CYP7B1: variants seen among roughly 807,000 people sequenced by gnomAD.
CYP7B1 encodes the protein cytochrome P450 7B1.
Under a neutral mutation model 42.7 loss-of-function variants are expected in CYP7B1, and 29 were observed. The ratio of observed to expected loss-of-function variants is 0.68; its 90% confidence interval spans 0.51 to 0.93. CYP7B1 has a LOEUF of 0.93. Ranked by LOEUF, CYP7B1 falls within the 40% of genes least tolerant of loss-of-function variation. The pLI is 0.00. For missense variants in CYP7B1, 655 were observed against 600.5 expected (o/e 1.09, Z -0.95); for synonymous variants, 235 against 218.2 (o/e 1.08, Z -0.68).
intron 1 of CYP7B1, among the ~76,000 whole-genome samples, chr8:64,707,910 A>T (rs998111989): frequency 6.6e-6 from 1 of 152,136 alleles, no homozygotes; most frequent in African/African-American, 2.4e-5. Flanking sequence ...TATGATGGGC[A>T]GTACTGGGGA....
At chr8:64,670,520 T>C (rs537214869) in intron 1 of CYP7B1, among the ~76,000 whole-genome samples, 2 of 152,238 alleles carry the variant, frequency 1.3e-5, no homozygotes, top group Non-Finnish European at 2.9e-5. Context: ...CAAAATAGCT[T>C]AAATGAGTCA....
chr8:64,688,013 A>G (rs947690564), intron 1 of CYP7B1, among the ~76,000 whole-genome samples: 1 of 152,240 alleles, frequency 6.6e-6, no homozygotes, highest in Non-Finnish European at 1.5e-5. Context: ...CTCTTATTCT[A>G]TAGCATAATA....
At chr8:64,740,715 T>A (rs1478294416) in intron 1 of CYP7B1, among the ~76,000 whole-genome samples, 4 of 152,020 alleles carry the variant, frequency 2.6e-5, no homozygotes, top group Non-Finnish European at 5.9e-5. Context: ...ATAGGAATAT[T>A]ATGAAAAACT....
intron 1 of CYP7B1, among the ~76,000 whole-genome samples, chr8:64,772,661 C>T (rs1240436286): frequency 2.6e-5 from 4 of 152,180 alleles, no homozygotes; most frequent in Non-Finnish European, 5.9e-5. Flanking sequence ...TTACAGGTGT[C>T]TGGCTTCTAC....
At chr8:64,647,155 G>C (rs1370416612) in intron 1 of CYP7B1, among the ~76,000 whole-genome samples, 4 of 152,102 alleles carry the variant, frequency 2.6e-5, no homozygotes, top group Non-Finnish European at 5.9e-5. Flanking sequence ...AGAAAAAGAT[G>C]GGGGAATGGT....
intron 1 of CYP7B1, among the ~76,000 whole-genome samples, chr8:64,681,300 A>G (rs1806533631): frequency 6.6e-6 from 1 of 152,038 alleles, no homozygotes; most frequent in African/African-American, 2.4e-5. Flanking sequence ...GTCGTCACGG[A>G]GTGTGTCTTC....
chr8:64,635,033 T>A (rs2129630823), intron 1 of CYP7B1, among the ~76,000 whole-genome samples: 1 of 152,312 alleles, frequency 6.6e-6, no homozygotes, highest in East Asian at 1.9e-4. Flanking sequence ...TCTTCAAGGT[T>A]CTACTCGAAG....
rs1807831117 is a variant in CYP7B1, at chr8:64,757,948, A to T, written c.122+40518T>A. ...GAAGCTTCTCAGAAAGTCACACCAG[A>T]TACTAAGTACAAGTAGGGGCCATCT... On this transcript the variant is annotated intron_variant, in intron 1 of 5. Transcript: ENST00000310193. Among the ~76,000 whole-genome samples, 14 of 152,254 alleles carry T rather than the reference A, an allele frequency of 9.2e-5. No individual in the cohort carries two copies. In the South Asian group the frequency reaches 2.9e-3, roughly 32 times the overall value.
chr8:64,730,490 T>A (rs570099303), intron 1 of CYP7B1, among the ~76,000 whole-genome samples: 1 of 152,158 alleles, frequency 6.6e-6, no homozygotes, highest in Admixed American at 6.5e-5. Context: ...ATGAACTGAA[T>A]AGCAGATGTG....
intron 1 of CYP7B1, among the ~76,000 whole-genome samples, chr8:64,738,545 C>A (rs1160060729): frequency 6.6e-6 from 1 of 151,992 alleles, no homozygotes; most frequent in Non-Finnish European, 1.5e-5. Flanking sequence ...AACACACACA[C>A]ACGCACACAC....
At chr8:64,683,603 G>A (rs968920005) in intron 1 of CYP7B1, among the ~76,000 whole-genome samples, 9 of 152,156 alleles carry the variant, frequency 5.9e-5, no homozygotes, top group African/African-American at 2.2e-4. Context: ...TGGATTGCTT[G>A]TAACTCAAAG....
intron 1 of CYP7B1, among the ~76,000 whole-genome samples, chr8:64,630,015 CA>C: frequency 6.6e-6 from 1 of 152,180 alleles, no homozygotes; most frequent in Middle Eastern, 3.4e-3. Context: ...GATTTACAAC[CA>C]ACTGGGCACA....
intron 1 of CYP7B1, among the ~76,000 whole-genome samples, chr8:64,669,824 A>C (rs1480404510): frequency 6.6e-6 from 1 of 152,134 alleles, no homozygotes; most frequent in East Asian, 1.9e-4. Context: ...CTTTGTAAAA[A>C]CTTGTTGGAT....
At chr8:64,694,565 G>T (rs1325499096) in intron 1 of CYP7B1, among the ~76,000 whole-genome samples, 1 of 152,132 alleles carries the variant, frequency 6.6e-6, no homozygotes, top group African/African-American at 2.4e-5. Flanking sequence ...TCCACAGTGA[G>T]AGACAGAAAG....
At chr8:64,783,541 C>CT (rs34281051) in intron 1 of CYP7B1, among the ~76,000 whole-genome samples, 21,703 of 142,930 alleles carry the variant, frequency 0.15, 1,665 homozygotes, top group African/African-American at 0.17. Flanking sequence ...TTCCATACTA[C>CT]TTTTTTTTTT....
intron 1 of CYP7B1, among the ~76,000 whole-genome samples, chr8:64,694,863 A>G (rs1328997460): frequency 6.6e-6 from 1 of 152,186 alleles, no homozygotes; most frequent in African/African-American, 2.4e-5. Flanking sequence ...ATCAAAATGT[A>G]GGAACAAAAG....
At chr8:64,662,548 T>C (rs937100987) in intron 1 of CYP7B1, among the ~76,000 whole-genome samples, 8 of 152,200 alleles carry the variant, frequency 5.3e-5, no homozygotes, top group Non-Finnish European at 1.2e-4. Context: ...AGTTCTATCC[T>C]TCCCATTCAA....
chr8:64,736,139 A>C (rs1365833373), intron 1 of CYP7B1, among the ~76,000 whole-genome samples: 1 of 152,176 alleles, frequency 6.6e-6, no homozygotes, highest in Non-Finnish European at 1.5e-5. Context: ...CTATTATGGA[A>C]ATAAACACAC....
chr8:64,645,924 C>A (rs1211507101), intron 1 of CYP7B1, among the ~76,000 whole-genome samples: 1 of 151,984 alleles, frequency 6.6e-6, no homozygotes, highest in Non-Finnish European at 1.5e-5. Context: ...CTTTGACAAA[C>A]CTGAGGAAAA....
Sources: gnomAD v4.1 joint callset for allele counts (sites outside exome capture counted in the v4.1 genomes callset) on GRCh38, gnomAD v4.1.1 for gene constraint, MANE v1.5 for transcripts, NCBI Gene and HGNC (gene_info 2026-07-23, HGNC 2026-07-21) for gene names.